The following TRAPPC9 variants were observed in gnomAD, a reference collection of about 807,000 sequenced individuals.
TRAPPC9 encodes trafficking protein particle complex subunit 9, also known as IKK2 binding protein.
Under a neutral mutation model 124.0 loss-of-function variants are expected in TRAPPC9, and 83 were observed. The ratio of observed to expected loss-of-function variants is 0.67; its 90% CI spans 0.56 to 0.80. The LOEUF (loss-of-function observed/expected upper bound fraction) is 0.80, where lower values mean the gene tolerates loss of function less well. Among genes scored for constraint, TRAPPC9 ranks in the 30% least tolerant of loss-of-function variants. TRAPPC9 has a pLI of 0.00. For synonymous variants in TRAPPC9, 638 were observed against 617.5 expected (o/e 1.03, Z -0.49); for missense variants, 1,302 against 1,508.3 (o/e 0.86, Z 2.27).
chr8:140,182,706 T>G lies in TRAPPC9; in HGVS notation c.2556+38753A>C, dbSNP rs758196787. ...TTTGAGAGCTTACTTTAAGAAATTCTAAAAATACAGCCTCTTGGCAATCAT... is the reference window on the plus strand; with the variant it reads ...TTTGAGAGCTTACTTTAAGAAATTCGAAAAATACAGCCTCTTGGCAATCAT... On this transcript the variant is annotated intron_variant, in intron 17 of 22. Transcript: ENST00000438773. This position sits in a 1 kb window ranked among gnomAD's most constrained non-coding sequence, Gnocchi z 4.0. 5.3e-5 allele frequency among the ~76,000 whole-genome samples: 8 copies of G among 152,190 alleles called. No homozygotes were observed. Among genetic ancestry groups the G allele is most frequent in the Admixed American group, 1.3e-4 (2 of 15,288 alleles).
chr8:140,144,386 T>C (rs1398263045), intron 17 of TRAPPC9, among the ~76,000 whole-genome samples: 1 of 152,240 alleles, frequency 6.6e-6, no homozygotes, highest in Non-Finnish European at 1.5e-5. Flanking sequence ...ATATTCTTCA[T>C]AAAGTCTTGT....
intron 9 of TRAPPC9, among the ~76,000 whole-genome samples, chr8:140,323,677 AAC>A (rs2066659369): frequency 6.6e-6 from 1 of 152,166 alleles, no homozygotes; most frequent in Non-Finnish European, 1.5e-5. Context: ...GAACAGAAAA[AAC>A]ACTTTGAGTG....
chr8:140,005,382 C>T (rs1206147242), intron 18 of TRAPPC9, among the ~76,000 whole-genome samples: 2 of 152,144 alleles, frequency 1.3e-5, no homozygotes, highest in Non-Finnish European at 2.9e-5. Flanking sequence ...ACAGCACCAG[C>T]ACATGAAGCA....
chr8:139,801,068 T>C (rs1291821554), intron 21 of TRAPPC9, among the ~76,000 whole-genome samples: 13 of 125,640 alleles, frequency 1.0e-4, no homozygotes, highest in African/African-American at 5.4e-4. Context: ...CTCCCTCCAG[T>C]ATCTTCCCTC....
At chr8:139,855,886 A>C (rs964138521) in intron 21 of TRAPPC9, among the ~76,000 whole-genome samples, 1 of 152,216 alleles carries the variant, frequency 6.6e-6, no homozygotes, top group Non-Finnish European at 1.5e-5. Flanking sequence ...AGTAACAGGA[A>C]ACCTGGGTCC....
chr8:140,174,963 T>C (rs891657240), intron 17 of TRAPPC9, among the ~76,000 whole-genome samples: 3 of 152,098 alleles, frequency 2.0e-5, no homozygotes, highest in African/African-American at 7.2e-5. Context: ...ACTATGTTTT[T>C]TGTGGAACTA....
intron 17 of TRAPPC9, among the ~76,000 whole-genome samples, chr8:140,170,722 T>C (rs1300028049): frequency 6.6e-6 from 1 of 152,170 alleles, no homozygotes; most frequent in Non-Finnish European, 1.5e-5. Context: ...CGTGGTTGTT[T>C]TATAGCCCAA....
intron 17 of TRAPPC9, among the ~76,000 whole-genome samples, chr8:140,217,412 A>G (rs769198963): frequency 3.9e-5 from 6 of 152,112 alleles, no homozygotes; most frequent in Non-Finnish European, 7.4e-5. Context: ...TGAGGATGAG[A>G]ACAGGCTGCG....
At chr8:139,925,249 C>T (rs574329999) in intron 19 of TRAPPC9, among the ~76,000 whole-genome samples, 9 of 152,336 alleles carry the variant, frequency 5.9e-5, no homozygotes, top group Non-Finnish European at 1.3e-4. Flanking sequence ...CATCAGGCAA[C>T]AGCACTGGAG....
chr8:140,061,415 T>G (rs921472299), intron 17 of TRAPPC9, among the ~76,000 whole-genome samples: 6 of 152,132 alleles, frequency 3.9e-5, no homozygotes, highest in African/African-American at 1.4e-4. Context: ...GAGCTGGGGA[T>G]GGATACACAA....
At chr8:139,974,778 G>A (rs1587385261) in intron 19 of TRAPPC9, among the ~76,000 whole-genome samples, 2 of 152,146 alleles carry the variant, frequency 1.3e-5, no homozygotes, top group South Asian at 2.1e-4. Context: ...ACGTGGACGC[G>A]AGGCTCACAG....
At chr8:140,128,719 G>A (rs1274341986) in intron 17 of TRAPPC9, among the ~76,000 whole-genome samples, 3 of 152,174 alleles carry the variant, frequency 2.0e-5, no homozygotes, top group African/African-American at 7.2e-5. Flanking sequence ...GTAAATGGCG[G>A]AGCCGAGATG....
intron 18 of TRAPPC9, among the ~76,000 whole-genome samples, chr8:140,002,844 CAAAAAAAAAAAA>C (rs56895763): frequency 1.5e-5 from 1 of 68,806 alleles, no homozygotes; most frequent in African/African-American, 4.8e-5. Context: ...TTCCACTTAT[CAAAAAAAAAAAA>C]AAAAAAAAAA....
chr8:140,049,545 T>TC (rs200895550), intron 17 of TRAPPC9, among the ~76,000 whole-genome samples: 4,820 of 145,036 alleles, frequency 0.033, 199 homozygotes, highest in African/African-American at 0.1. Flanking sequence ...CCTACAGGGC[T>TC]CCCCCCCCCG....
In TRAPPC9 at chr8:139,950,921, A is replaced by G. The variant is rs112759325; in HGVS notation, c.2810+37805T>C. On this transcript the variant is annotated intron_variant, in intron 19 of 22. Coordinates refer to ENST00000438773, the MANE Select transcript of TRAPPC9 (RefSeq NM_001160372.4). ...GGAGGCGCGGCAGGGAGGGAGCCGC[A>G]CCCGCCTTACAGCCAAACAAATGAA... Among the ~76,000 whole-genome samples, 1,240 of 152,272 alleles carry G rather than the reference A, an allele frequency of 8.1e-3. 7 individuals carry two copies. The highest frequency in any genetic ancestry group is 0.014 in the Middle Eastern group (4 of 294).
At chr8:140,450,115 C>CT (rs1336855469) in intron 2 of TRAPPC9, among the ~76,000 whole-genome samples, 1 of 152,198 alleles carries the variant, frequency 6.6e-6, no homozygotes. Context: ...AATCCCAGCA[C>CT]TTTGGGAGGC....
At chr8:139,832,996 G>A (rs1459243505) in intron 21 of TRAPPC9, among the ~76,000 whole-genome samples, 1 of 152,132 alleles carries the variant, frequency 6.6e-6, no homozygotes, top group African/African-American at 2.4e-5. Context: ...TGAGAAGCAT[G>A]AGAAGGGTTC....
intron 17 of TRAPPC9, among the ~76,000 whole-genome samples, chr8:140,136,417 A>T (rs927967322): frequency 6.6e-6 from 1 of 152,166 alleles, no homozygotes; most frequent in African/African-American, 2.4e-5. Context: ...TGCCATCTTC[A>T]TGGGGCCTTA....
At chr8:140,292,437 G>A (rs2065686529) in intron 11 of TRAPPC9, among the ~76,000 whole-genome samples, 1 of 152,196 alleles carries the variant, frequency 6.6e-6, no homozygotes. Context: ...GGGCAGTGGA[G>A]GGCTTCTTCT....
Sources: gnomAD v4.1 joint callset for allele counts (sites outside exome capture counted in the v4.1 genomes callset) on GRCh38, gnomAD v4.1.1 for gene constraint, Gnocchi (gnomAD v3.1) non-coding constraint, MANE v1.5 for transcripts, NCBI Gene and HGNC (gene_info 2026-07-23, HGNC 2026-07-21) for gene names.